The following ZRANB3 variants were observed in gnomAD, a reference collection of about 807,000 sequenced individuals.
The protein encoded by ZRANB3 is DNA annealing helicase and endonuclease ZRANB3.
In ZRANB3, 125 loss-of-function variants were observed where a neutral mutation model predicts 133.8. The ratio of observed to expected loss-of-function variants is 0.93; its 90% CI spans 0.81 to 1.08. The LOEUF (loss-of-function observed/expected upper bound fraction) is 1.08, where lower values mean the gene tolerates loss of function less well. Ranked by LOEUF, ZRANB3 falls within the 50% of genes least tolerant of loss-of-function variation. ZRANB3 has a pLI of 0.00. For synonymous variants in ZRANB3, 387 were observed against 432.7 expected (o/e 0.89, Z 1.31); for missense variants, 1,229 against 1,275.5 (o/e 0.96, Z 0.56).
intron 3 of ZRANB3, among the ~76,000 whole-genome samples, chr2:135,383,408 C>A (rs1333151581): frequency 1.3e-5 from 2 of 152,140 alleles, no homozygotes; most frequent in East Asian, 3.8e-4. Flanking sequence ...GAGACTTTAA[C>A]ACCCCACTGT....
chr2:135,279,236 A>T (rs1194653567), intron 8 of ZRANB3, among the ~76,000 whole-genome samples: 1 of 152,194 alleles, frequency 6.6e-6, no homozygotes, highest in African/African-American at 2.4e-5. Flanking sequence ...AAAACTGAAA[A>T]ATACCTACTT....
At chr2:135,386,477 T>G (rs1220656643) in intron 3 of ZRANB3, among the ~76,000 whole-genome samples, 2 of 152,158 alleles carry the variant, frequency 1.3e-5, no homozygotes, top group African/African-American at 4.8e-5. Context: ...TTTGACCCAG[T>G]GATCCCATTA....
intron 15 of ZRANB3, among the ~76,000 whole-genome samples, chr2:135,221,595 GC>G (rs1178741315): frequency 1.3e-5 from 2 of 152,226 alleles, no homozygotes; most frequent in African/African-American, 4.8e-5. Flanking sequence ...GGTATGCTCT[GC>G]CTGGTGTCTG....
Position 135,479,360 on chromosome 2 carries a change from C to A in ZRANB3, c.161+24969G>T, listed in dbSNP as rs1419787142. 2.6e-5 allele frequency among the ~76,000 whole-genome samples: 4 copies of A among 152,188 alleles called. No homozygotes were observed. In the East Asian group the frequency reaches 7.7e-4, roughly 29 times the overall value. On this transcript the variant is annotated intron_variant, in intron 2 of 20. Coordinates refer to ENST00000264159, the MANE Select transcript of ZRANB3 (RefSeq NM_032143.4). ...TTAAAAAGTACACCTATTGGCCAGG[C>A]ACGGTGGCTCATGCCTGTAATCCCA...
intron 2 of ZRANB3, among the ~76,000 whole-genome samples, chr2:135,402,251 T>C (rs1487704230): frequency 6.6e-6 from 1 of 152,034 alleles, no homozygotes; most frequent in Non-Finnish European, 1.5e-5. Context: ...AATATTTCAA[T>C]GTAAACTTTA....
chr2:135,328,644 T>C (rs940012799), intron 6 of ZRANB3, among the ~76,000 whole-genome samples: 3 of 152,226 alleles, frequency 2.0e-5, no homozygotes, highest in African/African-American at 7.2e-5. Flanking sequence ...CCACACTGTC[T>C]TCCACAATGG....
At chr2:135,379,404 G>A (rs1686583866) in intron 3 of ZRANB3, among the ~76,000 whole-genome samples, 1 of 152,248 alleles carries the variant, frequency 6.6e-6, no homozygotes. Flanking sequence ...AAAATAGAAA[G>A]TCTGGTACCT....
intron 2 of ZRANB3, among the ~76,000 whole-genome samples, chr2:135,444,271 A>G (rs1444067046): frequency 2.0e-5 from 3 of 152,212 alleles, no homozygotes; most frequent in Non-Finnish European, 1.5e-5. Flanking sequence ...TCCTACTCTT[A>G]GTTTTTCATG....
At chr2:135,459,577 A>C (rs1333558094) in intron 2 of ZRANB3, among the ~76,000 whole-genome samples, 1 of 152,230 alleles carries the variant, frequency 6.6e-6, no homozygotes, top group Non-Finnish European at 1.5e-5. Context: ...ATTTTTTTAA[A>C]GCAATTGTGT....
chr2:135,453,522 C>T (rs1690367304), intron 2 of ZRANB3, among the ~76,000 whole-genome samples: 1 of 152,188 alleles, frequency 6.6e-6, no homozygotes, highest in Non-Finnish European at 1.5e-5. Flanking sequence ...CTCTTGAATC[C>T]TTTTCTGCTT....
chr2:135,373,040 A>G (rs1686255900), intron 3 of ZRANB3, among the ~76,000 whole-genome samples: 1 of 151,802 alleles, frequency 6.6e-6, no homozygotes, highest in African/African-American at 2.4e-5. Flanking sequence ...CCTAGGCGAC[A>G]AAAGCGAGAC....
chr2:135,217,337 T>C, intron 17 of ZRANB3, 128 bp downstream of exon 17: 1 of 885,288 alleles, frequency 1.1e-6, no homozygotes. Flanking sequence ...ATGGCTGTGA[T>C]TTTATGCATA....
intron 3 of ZRANB3, among the ~76,000 whole-genome samples, chr2:135,389,653 C>T (rs1056640163): frequency 5.3e-5 from 8 of 151,890 alleles, no homozygotes; most frequent in Non-Finnish European, 8.8e-5. Context: ...TGCAGTGAGC[C>T]GAGATCGTGC....
intron 20 of ZRANB3, 120 bp downstream of exon 20, chr2:135,202,712 A>G (rs1693673763): frequency 7.8e-7 from 1 of 1,278,572 alleles, no homozygotes; most frequent in Admixed American, 2.5e-5. Context: ...AAAGGAGTAA[A>G]ATGTGCCTCG....
At chr2:135,396,095 G>A (rs916723446) in intron 2 of ZRANB3, among the ~76,000 whole-genome samples, 2 of 152,126 alleles carry the variant, frequency 1.3e-5, no homozygotes, top group African/African-American at 4.8e-5. Flanking sequence ...GATCATCAGA[G>A]AAATGCAAAT....
At chr2:135,278,193 A>G (rs1357317007) in intron 8 of ZRANB3, among the ~76,000 whole-genome samples, 2 of 152,158 alleles carry the variant, frequency 1.3e-5, no homozygotes, top group Non-Finnish European at 2.9e-5. Context: ...ATTTTAGAAC[A>G]CTGGGACAAA....
intron 2 of ZRANB3, among the ~76,000 whole-genome samples, chr2:135,393,419 C>CA (rs757702711): frequency 1.5e-4 from 23 of 151,236 alleles, no homozygotes; most frequent in Non-Finnish European, 3.4e-4. Context: ...CTGGAAGATG[C>CA]AGTACGTGGA....
intron 19 of ZRANB3, among the ~76,000 whole-genome samples, chr2:135,206,560 C>A (rs1018537120): frequency 6.6e-6 from 1 of 151,814 alleles, no homozygotes; most frequent in Non-Finnish European, 1.5e-5. Flanking sequence ...TTGAGACAAC[C>A]TGGGAAACCA....
At chr2:135,500,311 C>G (rs1692878503) in intron 2 of ZRANB3, among the ~76,000 whole-genome samples, 1 of 151,946 alleles carries the variant, frequency 6.6e-6, no homozygotes, top group African/African-American at 2.4e-5. Flanking sequence ...ATATATTCAC[C>G]AAAAGATTTG....
Sources: allele counts gnomAD v4.1 joint callset (sites outside exome capture counted in the v4.1 genomes callset), GRCh38; gene constraint gnomAD v4.1.1; transcripts MANE v1.5; gene names NCBI Gene and HGNC (gene_info 2026-07-23, HGNC 2026-07-21).